SGCZ: variants seen among roughly 807,000 people sequenced by gnomAD.
The protein encoded by SGCZ is zeta-sarcoglycan.
A neutral mutation model predicts 41.3 loss-of-function variants in SGCZ; 40 were observed. The ratio of observed to expected loss-of-function variants is 0.97; its 90% confidence interval spans 0.75 to 1.26. The LOEUF (loss-of-function observed/expected upper bound fraction) is 1.26, where lower values mean the gene tolerates loss of function less well. Ranked by LOEUF, SGCZ falls within the 50% of genes most tolerant of loss-of-function variation. The probability of loss-of-function intolerance (pLI) is 0.00; values close to 1 mark genes in which losing one functional copy is unlikely to be tolerated. For synonymous variants in SGCZ, 206 were observed against 137.5 expected (o/e 1.50, Z -3.49); for missense variants, 552 against 369.8 (o/e 1.49, Z -4.04).
At chr8:14,306,557 T>C (rs879066597) in intron 3 of SGCZ, among the ~76,000 whole-genome samples, 3 of 152,292 alleles carry the variant, frequency 2.0e-5, no homozygotes, top group South Asian at 4.1e-4. Context: ...GTTTAATTTT[T>C]GATGACCAAA....
At chr8:14,847,018 G>T (rs567631697) in intron 1 of SGCZ, among the ~76,000 whole-genome samples, 16 of 152,052 alleles carry the variant, frequency 1.1e-4, no homozygotes, top group African/African-American at 3.1e-4. Context: ...ATTGCAGTGA[G>T]CCAAGATTGT....
intron 2 of SGCZ, among the ~76,000 whole-genome samples, chr8:14,451,583 A>G (rs1292002573): frequency 8.5e-5 from 13 of 152,326 alleles, no homozygotes; most frequent in Non-Finnish European, 2.9e-5. Flanking sequence ...AGTATTTGCA[A>G]AAGACAGATC....
At chr8:14,394,120 T>C (rs1160400736) in intron 2 of SGCZ, among the ~76,000 whole-genome samples, 1 of 150,836 alleles carries the variant, frequency 6.6e-6, no homozygotes, top group Non-Finnish European at 1.5e-5. Context: ...AACTACTTCA[T>C]GCACTGCCCT....
intron 1 of SGCZ, among the ~76,000 whole-genome samples, chr8:14,743,109 C>A (rs542486076): frequency 6.6e-6 from 1 of 152,042 alleles, no homozygotes; most frequent in Admixed American, 6.6e-5. Context: ...TCAGCACATT[C>A]TTTAAGAATA....
chr8:14,376,638 A>T (rs1804141932), intron 2 of SGCZ, among the ~76,000 whole-genome samples: 1 of 152,178 alleles, frequency 6.6e-6, no homozygotes. Context: ...CAGAGCATAG[A>T]AGCTAAAAAA....
chr8:14,586,974 T>C (rs73192366), intron 1 of SGCZ, among the ~76,000 whole-genome samples: 33,719 of 151,740 alleles, frequency 0.22, 4,332 homozygotes, highest in Non-Finnish European at 0.3. Context: ...CACTAAAATA[T>C]ACTCTTTGGA....
chr8:14,301,975 T>G (rs1385197894), intron 3 of SGCZ, among the ~76,000 whole-genome samples: 1 of 152,156 alleles, frequency 6.6e-6, no homozygotes, highest in African/African-American at 2.4e-5. Flanking sequence ...TCATTGATGT[T>G]TTCCCCCAAT....
intron 3 of SGCZ, among the ~76,000 whole-genome samples, chr8:14,258,948 G>A (rs1799557766): frequency 6.6e-6 from 1 of 152,110 alleles, no homozygotes; most frequent in African/African-American, 2.4e-5. Context: ...CAGAGAGCAG[G>A]TTTATAACCT....
rs1029120758 is a variant in SGCZ at position 14,292,692 on chromosome 8, C to T, written c.336+31411G>A. ...CTAAAGTCAAATTCTGGATCTACCA[C>T]TTTCTTGATATGTGACATTAGACAG... On this transcript the variant is annotated intron_variant, in intron 3 of 7. Coordinates refer to ENST00000382080, the MANE Select transcript of SGCZ (RefSeq NM_139167.4). Among the ~76,000 whole-genome samples, 32 of 152,104 alleles carry T rather than the reference C, an allele frequency of 2.1e-4. 1 individual carries two copies. The highest frequency in any genetic ancestry group is 7.5e-4 in the African/African-American group (31 of 41,548).
At chr8:14,916,630 A>C (rs981627022) in intron 1 of SGCZ, among the ~76,000 whole-genome samples, 2 of 152,200 alleles carry the variant, frequency 1.3e-5, no homozygotes, top group African/African-American at 4.8e-5. Context: ...ACTTCACTTC[A>C]TATTTTGTAG....
At chr8:14,835,655 A>G (rs1159677752) in intron 1 of SGCZ, among the ~76,000 whole-genome samples, 2 of 152,164 alleles carry the variant, frequency 1.3e-5, no homozygotes, top group African/African-American at 2.4e-5. Context: ...ATATTCCACC[A>G]TTTATCATTA....
At chr8:14,925,532 C>T (rs1025444392) in intron 1 of SGCZ, among the ~76,000 whole-genome samples, 25 of 152,136 alleles carry the variant, frequency 1.6e-4, no homozygotes, top group Non-Finnish European at 2.6e-4. Context: ...AGATGCATTG[C>T]CTATAAACAG....
intron 2 of SGCZ, among the ~76,000 whole-genome samples, chr8:14,395,731 C>G (rs927374539): frequency 6.6e-6 from 1 of 152,152 alleles, no homozygotes; most frequent in African/African-American, 2.4e-5. Flanking sequence ...GTTGAATGAA[C>G]ATAACCAGAC....
chr8:14,425,638 GA>G (rs57843802), intron 2 of SGCZ, among the ~76,000 whole-genome samples: 10 of 144,536 alleles, frequency 6.9e-5, no homozygotes, highest in South Asian at 2.2e-4. Flanking sequence ...AAAAGAAAAA[GA>G]AAAAAAAAAA....
At chr8:14,126,531 C>T (rs1431919244) in intron 5 of SGCZ, among the ~76,000 whole-genome samples, 1 of 152,152 alleles carries the variant, frequency 6.6e-6, no homozygotes, top group African/African-American at 2.4e-5. Context: ...TACTTTTCCA[C>T]TGTTGGGAAT....
intron 1 of SGCZ, among the ~76,000 whole-genome samples, chr8:14,585,589 A>AAT (rs1433156982): frequency 2.0e-5 from 3 of 152,124 alleles, no homozygotes; most frequent in Non-Finnish European, 4.4e-5. Flanking sequence ...AGTGTCTTTT[A>AAT]AAGTTTTACT....
At chr8:15,164,456 C>T (rs1191643975) in intron 1 of SGCZ, among the ~76,000 whole-genome samples, 1 of 152,120 alleles carries the variant, frequency 6.6e-6, no homozygotes, top group Non-Finnish European at 1.5e-5. Context: ...CTGGCAGTCC[C>T]CGCCACGTGC....
At chr8:14,704,149 C>A (rs1416688233) in intron 1 of SGCZ, among the ~76,000 whole-genome samples, 5 of 152,016 alleles carry the variant, frequency 3.3e-5, no homozygotes, top group East Asian at 1.9e-4. Flanking sequence ...GATTTTAGTC[C>A]TGGGGTAACT....
intron 1 of SGCZ, among the ~76,000 whole-genome samples, chr8:15,232,295 T>C (rs1801968510): frequency 6.6e-6 from 1 of 152,198 alleles, no homozygotes; most frequent in Non-Finnish European, 1.5e-5. Flanking sequence ...AGCTATGATT[T>C]TGAGTTCATA....
Sources: gnomAD v4.1 joint callset for allele counts (sites outside exome capture counted in the v4.1 genomes callset) on GRCh38, gnomAD v4.1.1 for gene constraint, MANE v1.5 for transcripts, NCBI Gene and HGNC (gene_info 2026-07-23, HGNC 2026-07-21) for gene names.